The following GNA12 variants were observed in gnomAD, a reference collection of about 807,000 sequenced individuals.
GNA12 encodes the protein G protein subunit alpha 12.
In GNA12, 9 loss-of-function variants were observed where a neutral mutation model predicts 26.0. The ratio of observed to expected loss-of-function variants is 0.35; its 90% CI spans 0.21 to 0.60. The LOEUF is 0.60. Ranked by LOEUF, GNA12 falls within the 20% of genes least tolerant of loss-of-function variation. The pLI is 0.78. For missense variants in GNA12, 405 were observed against 525.8 expected (o/e 0.77, Z 2.25); for synonymous variants, 264 against 219.6 (o/e 1.20, Z -1.79).
chr7:2,831,404 C>CTT (rs3996402), intron 1 of GNA12, among the ~76,000 whole-genome samples: 2,967 of 130,052 alleles, frequency 0.023, 75 homozygotes, highest in Middle Eastern at 0.064. Context: ...ACTTCACTTT[C>CTT]TTTTTTTTTT....
intron 2 of GNA12, among the ~76,000 whole-genome samples, chr7:2,757,277 A>AG (rs34041136): frequency 1 from 151,916 of 151,916 alleles, 75,958 homozygotes; most frequent in Non-Finnish European, 1. Flanking sequence ...CTGGGACCGC[A>AG]GCGCCCGCCA....
At chr7:2,786,938 G>GCAAGGAAGACACCAGATGC (rs943735280) in intron 2 of GNA12, among the ~76,000 whole-genome samples, 4 of 152,206 alleles carry the variant, frequency 2.6e-5, no homozygotes, top group Non-Finnish European at 5.9e-5. Context: ...CAAGCCCCCG[G>GCAAGGAAGACACCAGATGC]CAAGGAAGAC....
At chr7:2,787,877 G>A (rs987537899) in intron 2 of GNA12, among the ~76,000 whole-genome samples, 13 of 152,202 alleles carry the variant, frequency 8.5e-5, no homozygotes, top group African/African-American at 2.7e-4. Flanking sequence ...TGCCAGGGCC[G>A]GGCACCATGG....
At chr7:2,774,227 T>C (rs528497845) in intron 2 of GNA12, among the ~76,000 whole-genome samples, 1 of 152,282 alleles carries the variant, frequency 6.6e-6, no homozygotes, top group South Asian at 2.1e-4. Flanking sequence ...AGATGCACTT[T>C]TATTTCTATA....
chr7:2,827,609 C>T (rs566329468), intron 1 of GNA12, among the ~76,000 whole-genome samples: 3 of 152,134 alleles, frequency 2.0e-5, no homozygotes, highest in Admixed American at 6.5e-5. Flanking sequence ...TGGGCTGGTC[C>T]GTGAGCAGTG....
chr7:2,807,583 G>C lies in GNA12; in HGVS notation c.310-12440C>G, dbSNP rs377230055. ...ATGAGCATTAAAATAAGGTATAAGA[G>C]AGAAAAAAAAAAAAACCTAGCCAGG... On this transcript the variant is annotated intron_variant, in intron 1 of 3. Transcript: ENST00000275364. 5.7e-3 allele frequency among the ~76,000 whole-genome samples: 835 copies of C among 146,488 alleles called. 10 individuals are homozygous for C. Among genetic ancestry groups the C allele is most frequent in the African/African-American group, 0.02 (794 of 39,236 alleles).
intron 3 of GNA12, among the ~76,000 whole-genome samples, chr7:2,732,570 C>T (rs1032483335): frequency 6.6e-6 from 1 of 152,048 alleles, no homozygotes; most frequent in Admixed American, 6.6e-5. Flanking sequence ...CAAAACAGAA[C>T]AAAAAACCAA....
At chr7:2,740,336 C>T (rs975329459) in intron 2 of GNA12, among the ~76,000 whole-genome samples, 1 of 152,172 alleles carries the variant, frequency 6.6e-6, no homozygotes, top group East Asian at 1.9e-4. Flanking sequence ...AGGTAGGGAC[C>T]TCATGATACG....
At chr7:2,770,355 G>A (rs1377459234) in intron 2 of GNA12, among the ~76,000 whole-genome samples, 1 of 152,158 alleles carries the variant, frequency 6.6e-6, no homozygotes, top group Non-Finnish European at 1.5e-5. Context: ...CTCAAATTGA[G>A]GCTCAATAGC....
chr7:2,741,479 G>C (rs901940026), intron 2 of GNA12, among the ~76,000 whole-genome samples: 3 of 152,176 alleles, frequency 2.0e-5, no homozygotes, highest in African/African-American at 7.2e-5. Flanking sequence ...GTCACAGTTG[G>C]ACTGCCTGTT....
At chr7:2,787,292 T>A (rs1310306885) in intron 2 of GNA12, among the ~76,000 whole-genome samples, 1 of 152,162 alleles carries the variant, frequency 6.6e-6, no homozygotes, top group Non-Finnish European at 1.5e-5. Context: ...CCCTCACTTT[T>A]ATTATCAACA....
intron 1 of GNA12, among the ~76,000 whole-genome samples, chr7:2,817,230 T>C (rs570493448): frequency 3.3e-5 from 5 of 152,362 alleles, no homozygotes; most frequent in African/African-American, 1.2e-4. Context: ...CTCAGCCTCC[T>C]GATAGCTGAA....
chr7:2,736,573 G>T (rs1017069674), intron 2 of GNA12, among the ~76,000 whole-genome samples: 1 of 152,144 alleles, frequency 6.6e-6, no homozygotes, highest in South Asian at 2.1e-4. Context: ...TTGATATGGG[G>T]CCTGTGCACC....
chr7:2,783,153 C>T (rs1447581035), intron 2 of GNA12, among the ~76,000 whole-genome samples: 2 of 152,182 alleles, frequency 1.3e-5, no homozygotes, highest in Non-Finnish European at 2.9e-5. Flanking sequence ...ACCTGGGAGT[C>T]TGGCTGTCTC....
intron 2 of GNA12, among the ~76,000 whole-genome samples, chr7:2,733,790 G>C (rs754874078): frequency 6.6e-6 from 1 of 152,196 alleles, no homozygotes; most frequent in African/African-American, 2.4e-5. Context: ...CCCTCTGATG[G>C]GGGACTCTCT....
intron 2 of GNA12, among the ~76,000 whole-genome samples, chr7:2,791,151 A>C (rs1792507795): frequency 6.6e-6 from 1 of 152,244 alleles, no homozygotes; most frequent in South Asian, 2.1e-4. Context: ...GACAGACAAG[A>C]AGATAATATT....
chr7:2,790,279 G>A (rs555904678), intron 2 of GNA12, among the ~76,000 whole-genome samples: 5 of 152,186 alleles, frequency 3.3e-5, no homozygotes, highest in Admixed American at 1.3e-4. Context: ...ACAGGGTCTC[G>A]CTTTGTTGCC....
chr7:2,763,190 CAACACACACACACA>C, intron 2 of GNA12: 2 of 307,858 alleles, frequency 6.5e-6, no homozygotes, highest in African/African-American at 5.1e-5. Flanking sequence ...CAAGACACCC[CAACACACACACACA>C]CACACACACA....
chr7:2,834,957 A>G (rs2114977133), intron 1 of GNA12, among the ~76,000 whole-genome samples: 1 of 152,304 alleles, frequency 6.6e-6, no homozygotes, highest in South Asian at 2.1e-4. Flanking sequence ...GTGACTATGC[A>G]TCGCGATGCA....
Sources: allele counts gnomAD v4.1 joint callset (sites outside exome capture counted in the v4.1 genomes callset), GRCh38; gene constraint gnomAD v4.1.1; transcripts MANE v1.5; gene names NCBI Gene and HGNC (gene_info 2026-07-23, HGNC 2026-07-21).